The following CACNB2 variants were observed in gnomAD, a reference collection of about 807,000 sequenced individuals.
CACNB2 encodes the protein calcium voltage-gated channel auxiliary subunit beta 2.
Under a neutral mutation model 73.3 loss-of-function variants are expected in CACNB2, and 42 were observed. The observed-to-expected ratio is 0.57, with a 90% CI of 0.45 to 0.74. CACNB2 has a LOEUF of 0.74. Among genes scored for constraint, CACNB2 ranks in the 30% least tolerant of loss-of-function variants. The pLI is 0.00. For synonymous variants in CACNB2, 348 were observed against 310.3 expected (o/e 1.12, Z -1.28); for missense variants, 940 against 853.0 (o/e 1.10, Z -1.27).
chr10:18,476,509 A>G (rs2048448790), intron 3 of CACNB2, among the ~76,000 whole-genome samples: 1 of 151,846 alleles, frequency 6.6e-6, no homozygotes, highest in South Asian at 2.1e-4. Context: ...TGAAGTAGCG[A>G]CTCTCCATCA....
chr10:18,263,819 G>C (rs1014667293), intron 2 of CACNB2, among the ~76,000 whole-genome samples: 1 of 152,248 alleles, frequency 6.6e-6, no homozygotes, highest in Admixed American at 6.5e-5. Flanking sequence ...TGGGCTCACA[G>C]AAGTAGGCTG....
intron 3 of CACNB2, among the ~76,000 whole-genome samples, chr10:18,414,946 T>C (rs1396148018): frequency 1.3e-5 from 2 of 152,166 alleles, no homozygotes; most frequent in African/African-American, 2.4e-5. Context: ...TCTTACAAGT[T>C]TTTGCCCCAT....
intron 3 of CACNB2, among the ~76,000 whole-genome samples, chr10:18,496,575 G>A (rs1366871712): frequency 6.6e-6 from 1 of 152,076 alleles, no homozygotes; most frequent in African/African-American, 2.4e-5. Context: ...CACTTTGGGA[G>A]GCCAAGGCAG....
chr10:18,288,135 A>T (rs866597483), intron 2 of CACNB2, among the ~76,000 whole-genome samples: 5 of 152,294 alleles, frequency 3.3e-5, no homozygotes, highest in Middle Eastern at 3.4e-3. Context: ...TTTGAACCTG[A>T]TTACCTCTGT....
At chr10:18,181,254 C>G (rs1164421120) in intron 2 of CACNB2, among the ~76,000 whole-genome samples, 1 of 152,158 alleles carries the variant, frequency 6.6e-6, no homozygotes, top group Non-Finnish European at 1.5e-5. Context: ...AAACTTCCCT[C>G]TTAGCAAAAG....
At chr10:18,471,964 T>A (rs1003257186) in intron 3 of CACNB2, among the ~76,000 whole-genome samples, 1 of 152,158 alleles carries the variant, frequency 6.6e-6, no homozygotes, top group African/African-American at 2.4e-5. Flanking sequence ...AAGACCTGCA[T>A]GTAAAGTAAC....
At chr10:18,228,634 G>C (rs954372491) in intron 2 of CACNB2, among the ~76,000 whole-genome samples, 3 of 152,112 alleles carry the variant, frequency 2.0e-5, no homozygotes, top group African/African-American at 7.2e-5. Context: ...GTGTCGGTAG[G>C]ACAGTTGGAA....
chr10:18,530,443 A>C (rs1287753944), intron 10 of CACNB2, among the ~76,000 whole-genome samples: 1 of 151,870 alleles, frequency 6.6e-6, no homozygotes, highest in Admixed American at 6.6e-5. Context: ...GCAGCAGACC[A>C]AGGAATAAAG....
At chr10:18,183,350 A>C (rs76883574) in intron 2 of CACNB2, among the ~76,000 whole-genome samples, 8,795 of 151,996 alleles carry the variant, frequency 0.058, 281 homozygotes, top group Middle Eastern at 0.14. Context: ...TTTTTCATTA[A>C]AAAACTCCTG....
At chr10:18,417,464 G>A (rs2045055222) in intron 3 of CACNB2, among the ~76,000 whole-genome samples, 1 of 146,864 alleles carries the variant, frequency 6.8e-6, no homozygotes, top group Non-Finnish European at 1.5e-5. Context: ...TGCCTCCCGG[G>A]TTCAAGCGAT....
intron 2 of CACNB2, among the ~76,000 whole-genome samples, chr10:18,340,168 T>C (rs1253769565): frequency 1.3e-5 from 2 of 152,202 alleles, no homozygotes; most frequent in South Asian, 2.1e-4. Context: ...GTAATACCTA[T>C]ATATATACAT....
intron 3 of CACNB2, among the ~76,000 whole-genome samples, chr10:18,493,579 G>C (rs1196112819): frequency 6.6e-6 from 1 of 152,084 alleles, no homozygotes; most frequent in East Asian, 1.9e-4. Flanking sequence ...GCCTGGCCTG[G>C]TGCAATCCAT....
chr10:18,387,002 C>T (rs937897571), intron 2 of CACNB2, among the ~76,000 whole-genome samples: 4 of 152,170 alleles, frequency 2.6e-5, no homozygotes, highest in African/African-American at 9.6e-5. Context: ...CATAATTAAA[C>T]GCTCCAGCGT....
At chr10:18,454,142 A>T (rs896171458) in intron 3 of CACNB2, among the ~76,000 whole-genome samples, 1 of 152,230 alleles carries the variant, frequency 6.6e-6, no homozygotes, top group Admixed American at 6.5e-5. Context: ...GACAGTTATC[A>T]TGTAGAGTGA....
At chr10:18,162,508 A>T (rs894509295) in intron 2 of CACNB2, among the ~76,000 whole-genome samples, 9 of 152,206 alleles carry the variant, frequency 5.9e-5, no homozygotes, top group African/African-American at 2.2e-4. Flanking sequence ...ATTTCCAGTC[A>T]TGCTGCTTTC....
At chr10:18,371,315 C>T (rs1255004036) in intron 2 of CACNB2, among the ~76,000 whole-genome samples, 1 of 152,100 alleles carries the variant, frequency 6.6e-6, no homozygotes, top group African/African-American at 2.4e-5. Context: ...ATTAACTTGT[C>T]ATTTAACATT....
At chr10:18,196,339 C>T (rs2034623836) in intron 2 of CACNB2, among the ~76,000 whole-genome samples, 1 of 147,406 alleles carries the variant, frequency 6.8e-6, no homozygotes, top group Non-Finnish European at 1.5e-5. Context: ...GTTGCCCAGG[C>T]TGGAGTGCAG....
chr10:18,293,923 C>T (rs752750280), intron 2 of CACNB2, among the ~76,000 whole-genome samples: 6 of 152,258 alleles, frequency 3.9e-5, no homozygotes, highest in Non-Finnish European at 8.8e-5. Flanking sequence ...TCACCAGTCA[C>T]GGTTTTTTAG....
chr10:18,313,705 C>A (rs1454727345), intron 2 of CACNB2, among the ~76,000 whole-genome samples: 1 of 152,172 alleles, frequency 6.6e-6, no homozygotes, highest in Non-Finnish European at 1.5e-5. Flanking sequence ...TCCACTAAAG[C>A]CATAAAGCCA....
Sources: allele counts gnomAD v4.1 joint callset (sites outside exome capture counted in the v4.1 genomes callset), GRCh38; gene constraint gnomAD v4.1.1; transcripts MANE v1.5; gene names NCBI Gene and HGNC (gene_info 2026-07-23, HGNC 2026-07-21).